Variants in ARCN1 observed in about 807,000 individuals in gnomAD.
ARCN1 encodes coatomer subunit delta.
ARCN1 carries 5 observed loss-of-function variants against 60.4 expected under a neutral mutation model. The ratio of observed to expected loss-of-function variants is 0.08; its 90% CI spans 0.04 to 0.17. The LOEUF (loss-of-function observed/expected upper bound fraction) is 0.17, where lower values mean the gene tolerates loss of function less well. Ranked by LOEUF, ARCN1 falls within the 10% of genes least tolerant of loss-of-function variation. The pLI, the probability that ARCN1 is intolerant of heterozygous loss-of-function variation, is 1.00. For missense variants in ARCN1, 464 were observed against 626.5 expected (o/e 0.74, Z 2.77); for synonymous variants, 224 against 220.0 (o/e 1.02, Z -0.16).
chr11:118,597,433 A>C (rs1156892374), intron 8 of ARCN1, among the ~76,000 whole-genome samples: 1 of 152,194 alleles, frequency 6.6e-6, no homozygotes, highest in African/African-American at 2.4e-5. Flanking sequence ...CAGTCCCCAG[A>C]TCTAGTCCTT....
chr11:118,583,966 A>C lies in ARCN1; in HGVS notation c.605A>C (p.Glu202Ala), dbSNP rs978099657. The C allele has an allele frequency of 6.2e-7, 1 of 1,614,122 alleles. No homozygotes were observed. Among genetic ancestry groups the C allele is most frequent in the Non-Finnish European group, 8.5e-7 (1 of 1,180,050 alleles). ...SGGSTAAMIT[E>A]TIIETDKPKV... ...GGCAGCACAGCTGCCATGATCACAG[A>C]GACCATCATTGAAACTGATAAACCA... Residue 202 changes from glutamate to alanine, a missense_variant, in exon 4 of 10, where the codon GAG becomes GCG. Physicochemically the swap from Glu to Ala is moderately radical, Grantham distance 107 (BLOSUM62 -1). This residue lies in a region of ARCN1 where 359 missense variants were observed against 440.2 expected (regional missense o/e 0.82). Coordinates refer to ENST00000264028, the MANE Select transcript of ARCN1 (RefSeq NM_001655.5).
chr11:118,588,733 A>G (rs537787519), intron 5 of ARCN1, among the ~76,000 whole-genome samples: 1 of 151,840 alleles, frequency 6.6e-6, no homozygotes, highest in African/African-American at 2.4e-5. Flanking sequence ...AACAACAACA[A>G]CAGGCTGGGT....
chr11:118,576,659 G>A (rs1204076062), intron 1 of ARCN1, among the ~76,000 whole-genome samples: 1 of 152,148 alleles, frequency 6.6e-6, no homozygotes. Flanking sequence ...CATGTTTAGA[G>A]GTGACCATAC....
rs1302742410 is a variant in ARCN1, at chr11:118,584,093, G to GA, written c.653+82dup. The GA allele has an allele frequency of 2.2e-6, 3 of 1,387,640 alleles. No individual in the cohort carries two copies. The African/African-American group carries it at 4.4e-5, about 20-fold the overall frequency. The allele number at this position is 1,387,640 out of a possible 1,614,324, so 86.0% of individuals were successfully genotyped here. On this transcript the variant is annotated intron_variant, in intron 4 of 9. Coordinates refer to ENST00000264028, the MANE Select transcript of ARCN1 (RefSeq NM_001655.5). ...TTTGAAGTCATAATCTGATTTCTTG[G>GA]AAAGCTGTAAATAAAGAAGGACTTG...
intron 6 of ARCN1, among the ~76,000 whole-genome samples, chr11:118,591,712 T>G (rs1938913834): frequency 6.6e-6 from 1 of 151,322 alleles, no homozygotes. Flanking sequence ...TTTTTGTTTT[T>G]GTCTTGTTTT....
At chr11:118,576,577 TTAATG>T (rs1327702604) in intron 1 of ARCN1, among the ~76,000 whole-genome samples, 11 of 152,108 alleles carry the variant, frequency 7.2e-5, no homozygotes, top group Admixed American at 4.6e-4. Flanking sequence ...CCAGTAAACA[TTAATG>T]TAAAGAGGTT....
At chr11:118,596,518 G>A (rs1344814468) in intron 8 of ARCN1, among the ~76,000 whole-genome samples, 1 of 152,206 alleles carries the variant, frequency 6.6e-6, no homozygotes. Flanking sequence ...CAAGGGCACA[G>A]AGAAGGAACA....
rs1939180384 is a variant in ARCN1 at position 118,602,968 on chromosome 11, G to A, written c.*2254G>A. ...TATTGACTCACTTTGGTGTCTGCTT[G>A]TTGATTCAGGATGCTGTAATGGGAC... On this transcript the variant is annotated 3_prime_UTR_variant, in exon 10 of 10. Coordinates refer to ENST00000264028, the MANE Select transcript of ARCN1 (RefSeq NM_001655.5). The A allele has an allele frequency of 6.5e-6, 1 of 153,702 alleles. No homozygotes were observed. The highest frequency in any genetic ancestry group is 1.5e-5 in the Non-Finnish European group (1 of 68,022). The allele number at this position is 153,702 out of a possible 1,614,324, so 9.5% of individuals were successfully genotyped here.
intron 7 of ARCN1, 119 bp from the exon 8 acceptor site, chr11:118,593,460 GCCTCAACCAAT>G (rs1172104396): frequency 3.6e-6 from 2 of 555,938 alleles, no homozygotes; most frequent in African/African-American, 3.9e-5. Context: ...TGAACTCATG[GCCTCAACCAAT>G]CCTCCCACCT....
intron 1 of ARCN1, among the ~76,000 whole-genome samples, chr11:118,574,321 C>G (rs1938430969): frequency 6.6e-6 from 1 of 152,092 alleles, no homozygotes; most frequent in Non-Finnish European, 1.5e-5. Flanking sequence ...ACAAACAGAT[C>G]CCTGGACAGT....
chr11:118,589,927 G>A (rs141233600), intron 5 of ARCN1, among the ~76,000 whole-genome samples: 77 of 152,264 alleles, frequency 5.1e-4, no homozygotes, highest in African/African-American at 1.7e-3. Flanking sequence ...TTAAAAAAAC[G>A]TTGTTGATGG....
chr11:118,576,692 T>C (rs782740809), intron 1 of ARCN1, among the ~76,000 whole-genome samples: 4 of 152,188 alleles, frequency 2.6e-5, no homozygotes, highest in Non-Finnish European at 5.9e-5. Context: ...TTAGTAGCTG[T>C]AACAGAGAGA....
intron 3 of ARCN1, 122 bp downstream of exon 3, chr11:118,583,480 A>G: frequency 8.3e-7 from 1 of 1,199,732 alleles, no homozygotes; most frequent in Non-Finnish European, 1.1e-6. Flanking sequence ...CAGGCTAGGC[A>G]CAGTGGCTCA....
intron 1 of ARCN1, among the ~76,000 whole-genome samples, chr11:118,574,398 G>C (rs966609090): frequency 1.3e-5 from 2 of 151,868 alleles, no homozygotes; most frequent in Non-Finnish European, 2.9e-5. Flanking sequence ...GTTTATTTTA[G>C]CTCAACATTT....
Position 118,601,929 on chromosome 11 carries a change from G to A in ARCN1, c.*1215G>A. ...ACATTTTGGGTACTTAAGCTAAAAC[G>A]TAATGGCCACAGTCTGTAATCCATT... On this transcript the variant is annotated 3_prime_UTR_variant, in exon 10 of 10. Coordinates refer to ENST00000264028, the MANE Select transcript of ARCN1 (RefSeq NM_001655.5). 6.9e-6 allele frequency: 4 copies of A among 577,458 alleles called. No individual in the cohort carries two copies. The highest frequency in any genetic ancestry group is 2.1e-5 in the South Asian group (1 of 47,174). 35.8% of individuals were successfully genotyped at this position (577,458 alleles called of 1,614,324 possible). A position where few individuals can be genotyped will look rare whatever the true frequency, so the allele number is the denominator to read the frequency against.
At chr11:118,576,987 C>G (rs984222995) in intron 1 of ARCN1, among the ~76,000 whole-genome samples, 8 of 152,076 alleles carry the variant, frequency 5.3e-5, no homozygotes, top group African/African-American at 1.7e-4. Flanking sequence ...GAGTTTGAGA[C>G]CAGCCTGGGC....
chr11:118,594,302 G>A (rs1180654739), intron 8 of ARCN1, among the ~76,000 whole-genome samples: 2 of 152,054 alleles, frequency 1.3e-5, no homozygotes, highest in African/African-American at 4.8e-5. Flanking sequence ...GTTTTGCTGT[G>A]TTGTGCAGGC....
chr11:118,584,121 G>A (rs538533150), intron 4 of ARCN1, 107 bp downstream of exon 4: 3 of 1,101,110 alleles, frequency 2.7e-6, no homozygotes, highest in East Asian at 5.1e-5. Context: ...AGGACTTGAT[G>A]AAGTAAGATA....
chr11:118,600,902 A>C lies in ARCN1; in HGVS notation c.*188A>C. Reference sequence around the variant, plus strand: ...TTCAGTGTCACAGAGACATTCTTTGATAAGGAAATGGCACAAACATAAAGG... The same window carrying C: ...TTCAGTGTCACAGAGACATTCTTTGCTAAGGAAATGGCACAAACATAAAGG... On this transcript the variant is annotated 3_prime_UTR_variant, in exon 10 of 10. Coordinates refer to ENST00000264028, the MANE Select transcript of ARCN1 (RefSeq NM_001655.5). The C allele has an allele frequency of 2.2e-6, 1 of 445,740 alleles. No homozygotes were observed. The highest frequency in any genetic ancestry group is 2.7e-5 in the South Asian group (1 of 36,464). The allele number at this position is 445,740 out of a possible 1,614,324, so 27.6% of individuals were successfully genotyped here.
Sources: gnomAD v4.1 joint callset for allele counts (sites outside exome capture counted in the v4.1 genomes callset) on GRCh38, gnomAD v4.1.1 for gene constraint, gnomAD v4.1.1 regional missense constraint, MANE v1.5 for transcripts, NCBI Gene and HGNC (gene_info 2026-07-23, HGNC 2026-07-21) for gene names.